CCDC195: variants seen among roughly 807,000 people sequenced by gnomAD.
CCDC195 encodes the protein coiled-coil domain containing 195.
chr2:224,711,523 A>G (rs985696729), intron 1 of CCDC195, among the ~76,000 whole-genome samples: 2 of 152,068 alleles, frequency 1.3e-5, no homozygotes, highest in African/African-American at 4.8e-5. Flanking sequence ...TCCAACATCT[A>G]CTTGCATGTC....
intron 2 of CCDC195, among the ~76,000 whole-genome samples, chr2:224,706,906 T>C (rs200568376): frequency 0.064 from 9,749 of 151,298 alleles, 417 homozygotes; most frequent in Non-Finnish European, 0.099. Flanking sequence ...TATATATATA[T>C]ACACACACGC....
At chr2:224,703,802 T>C (rs1697207315) in exon 3 of CCDC195, 4 of 398,444 alleles carry the variant, frequency 1.0e-5, no homozygotes, top group Non-Finnish European at 1.8e-5. Context: ...GTGGCCTGAT[T>C]TGGTGAGTGT....
At chr2:224,710,573 G>T (rs1157547592) in intron 1 of CCDC195, among the ~76,000 whole-genome samples, 1 of 152,242 alleles carries the variant, frequency 6.6e-6, no homozygotes, top group Non-Finnish European at 1.5e-5. Flanking sequence ...GGGAGGCAGA[G>T]GTTGCAGTGA....
intron 1 of CCDC195, among the ~76,000 whole-genome samples, chr2:224,715,241 T>C (rs571800551): frequency 1.5e-4 from 23 of 152,292 alleles, no homozygotes; most frequent in Admixed American, 1.2e-3. Flanking sequence ...TTTAAGAGTT[T>C]TGAGTATTTA....
intron 1 of CCDC195, among the ~76,000 whole-genome samples, chr2:224,715,427 C>G (rs545378610): frequency 6.2e-4 from 94 of 152,290 alleles, no homozygotes; most frequent in Non-Finnish European, 5.0e-4. Context: ...CAAACATCGA[C>G]TCTGTATCTT....
At chr2:224,715,030 G>A (rs1292758906) in intron 1 of CCDC195, among the ~76,000 whole-genome samples, 4 of 152,078 alleles carry the variant, frequency 2.6e-5, no homozygotes, top group Non-Finnish European at 5.9e-5. Context: ...CCAGGTTCAA[G>A]TGATTCTCCT....
exon 1 of CCDC195, chr2:224,716,264 T>C (rs113327767): frequency 1.0e-5 from 4 of 398,692 alleles, no homozygotes; most frequent in African/African-American, 6.2e-5. Context: ...TCTGACTACT[T>C]GCAGTGAGTT....
chr2:224,713,465 T>C (rs1232229024), intron 1 of CCDC195, among the ~76,000 whole-genome samples: 1 of 152,190 alleles, frequency 6.6e-6, no homozygotes, highest in Admixed American at 6.5e-5. Flanking sequence ...TCTGTATTCA[T>C]AGAATCACAG....
At chr2:224,713,110 A>C (rs922708815) in intron 1 of CCDC195, among the ~76,000 whole-genome samples, 16 of 151,998 alleles carry the variant, frequency 1.1e-4, no homozygotes, top group Non-Finnish European at 2.4e-4. Context: ...CTCGTGATCC[A>C]CCCACCTTGG....
At chr2:224,709,179 C>G (rs1193141881) in intron 2 of CCDC195, among the ~76,000 whole-genome samples, 2 of 149,824 alleles carry the variant, frequency 1.3e-5, no homozygotes, top group East Asian at 3.9e-4. Context: ...ACCTCTGCCT[C>G]CCAGGTTCAA....
At chr2:224,710,761 G>T (rs1488657453) in intron 1 of CCDC195, among the ~76,000 whole-genome samples, 1 of 152,156 alleles carries the variant, frequency 6.6e-6, no homozygotes, top group Non-Finnish European at 1.5e-5. Context: ...TAAAATTCCA[G>T]AGTTCACCTT....
exon 2 of CCDC195, chr2:224,710,007 G>T (rs1689295084): frequency 2.5e-6 from 1 of 398,442 alleles, no homozygotes; most frequent in Non-Finnish European, 4.4e-6. Context: ...GAAGCTCTTT[G>T]GCTGGTCCTA....
chr2:224,704,516 A>G (rs1290784526), intron 2 of CCDC195, among the ~76,000 whole-genome samples: 4 of 151,806 alleles, frequency 2.6e-5, no homozygotes, highest in African/African-American at 9.7e-5. Flanking sequence ...TTGTGGGAAC[A>G]AAGAGGGTAG....
chr2:224,704,589 CTTTTTTTTTTCTTTTCTTTTCT>C (rs1326734508), intron 2 of CCDC195, among the ~76,000 whole-genome samples: 1 of 126,736 alleles, frequency 7.9e-6, no homozygotes, highest in African/African-American at 3.0e-5. Context: ...ACAGCTGCAC[CTTTTTTTTTTCTTTTCTTTTCT>C]TTTTTTTTTT....
chr2:224,703,913 A>T (rs1250065936), intron 2 of CCDC195, 26 bp from the exon 3 acceptor site: 7 of 398,396 alleles, frequency 1.8e-5, no homozygotes, highest in Admixed American at 8.8e-5. Context: ...TAAAGGGAAG[A>T]AAAAGACTTT....
intron 1 of CCDC195, among the ~76,000 whole-genome samples, chr2:224,713,421 A>T (rs1689344867): frequency 6.6e-6 from 1 of 152,178 alleles, no homozygotes; most frequent in Non-Finnish European, 1.5e-5. Flanking sequence ...CATTTTACAG[A>T]TGAAGAGAGT....
At chr2:224,706,653 G>A (rs903370625) in intron 2 of CCDC195, among the ~76,000 whole-genome samples, 23 of 150,890 alleles carry the variant, frequency 1.5e-4, no homozygotes, top group African/African-American at 5.6e-4. Flanking sequence ...TGAGAATACA[G>A]GTGCCCACCA....
At position 224,710,122 on chromosome 2, in the gene CCDC195, G is replaced by A. The variant is rs1283090606; in HGVS notation, c.333C>T (p.Ser111=). Residue 111 remains serine, a synonymous_variant, in exon 2 of 3, where the codon AGC becomes AGT. Coordinates refer to ENST00000638102, the Ensembl canonical transcript of CCDC195. ...GTGTTCTCTGACCTTCTAGAATTCC[G>A]CTCTTTGGGTGACTTTTCCCAGATT... is the stretch of plus-strand genomic sequence containing the variant. The A allele has an allele frequency of 2.0e-5, 8 of 398,364 alleles. No individual in the cohort carries two copies. The South Asian group carries it at 3.8e-4, about 19-fold the overall frequency. 24.7% of individuals were successfully genotyped at this position (398,364 alleles called of 1,614,324 possible).
intron 1 of CCDC195, among the ~76,000 whole-genome samples, chr2:224,712,097 G>C (rs537727169): frequency 2.0e-5 from 3 of 152,340 alleles, no homozygotes; most frequent in East Asian, 3.9e-4. Flanking sequence ...GGGACCTACA[G>C]TTAATTTGGG....
Sources: allele counts gnomAD v4.1 joint callset (sites outside exome capture counted in the v4.1 genomes callset), GRCh38; gene constraint gnomAD v4.1.1; transcripts MANE v1.5; gene names NCBI Gene and HGNC (gene_info 2026-07-23, HGNC 2026-07-21).